The following ESRRG variants were observed in gnomAD, a reference collection of about 807,000 sequenced individuals.
ESRRG encodes the protein estrogen-related receptor gamma.
Under a neutral mutation model 44.0 loss-of-function variants are expected in ESRRG, and 13 were observed. The observed-to-expected ratio is 0.30, with a 90% CI of 0.19 to 0.47. The LOEUF (loss-of-function observed/expected upper bound fraction) is 0.47, where lower values mean the gene tolerates loss of function less well. Among genes scored for constraint, ESRRG ranks in the 20% least tolerant of loss-of-function variants. The pLI, the probability that ESRRG is intolerant of heterozygous loss-of-function variation, is 1.00. For synonymous variants in ESRRG, 215 were observed against 214.6 expected, an observed-to-expected ratio of 1.00 and a Z score of -0.02; for missense variants, 395 against 580.6, an observed-to-expected ratio of 0.68 and a Z score of 3.29.
intron 2 of ESRRG, among the ~76,000 whole-genome samples, chr1:216,766,848 C>T (rs548804101): frequency 6.6e-6 from 1 of 152,214 alleles, no homozygotes; most frequent in South Asian, 2.1e-4. Flanking sequence ...AGACCAAATG[C>T]CTCTGGCTGT....
intron 2 of ESRRG, among the ~76,000 whole-genome samples, chr1:216,775,613 G>A (rs1334828614): frequency 3.2e-5 from 4 of 123,470 alleles, no homozygotes; most frequent in South Asian, 2.7e-4. Context: ...TCACGCTGTC[G>A]CACAGGCTGG....
chr1:217,033,634 A>G (rs2151047328), intron 1 of ESRRG, among the ~76,000 whole-genome samples: 1 of 152,340 alleles, frequency 6.6e-6, no homozygotes, highest in East Asian at 1.9e-4. Flanking sequence ...GATGTATGGC[A>G]TGTACATTAT....
rs1559602305 is a variant in ESRRG at position 216,779,193 on chromosome 1, TTATATTTATAAATATAAATA to T, written c.-13-101722_-13-101703del. Among the ~76,000 whole-genome samples the T allele has an allele frequency of 1.0e-3, 62 of 60,396 alleles. 1 individual carries two copies. Among genetic ancestry groups the T allele is most frequent in the Non-Finnish European group, 2.5e-4 (8 of 31,752 alleles). 39.6% of individuals were successfully genotyped at this position (60,396 alleles called of 152,430 possible). On this transcript the variant is annotated intron_variant, in intron 2 of 7. Coordinates refer to the ESRRG transcript ENST00000359162. ...TATATATAATTATATAAATATATAT[TTATATTTATAAATATAAATA>T]TATATTTATATTTATAAATATAAAT...
intron 2 of ESRRG, among the ~76,000 whole-genome samples, chr1:216,881,500 T>G (rs2096446947): frequency 6.6e-6 from 1 of 151,294 alleles, no homozygotes; most frequent in Non-Finnish European, 1.5e-5. Flanking sequence ...GAGCTAGGGG[T>G]TGGTGGGGAG....
intron 2 of ESRRG, among the ~76,000 whole-genome samples, chr1:216,899,778 T>C (rs1434296427): frequency 6.6e-6 from 1 of 152,146 alleles, no homozygotes. Context: ...AGGGAATGTT[T>C]GGCTAAAATC....
chr1:216,929,291 T>A (rs1462328413), intron 2 of ESRRG, among the ~76,000 whole-genome samples: 1 of 148,382 alleles, frequency 6.7e-6, no homozygotes, highest in Non-Finnish European at 1.5e-5. Flanking sequence ...TCCTTCCCTC[T>A]TTCCCTTAAG....
chr1:217,031,255 C>T (rs1448869760), intron 1 of ESRRG, among the ~76,000 whole-genome samples: 1 of 152,226 alleles, frequency 6.6e-6, no homozygotes, highest in Non-Finnish European at 1.5e-5. Flanking sequence ...ACCTCTCCTT[C>T]CAGAGTTCGG....
At chr1:216,831,405 AC>A (rs1243114715) in intron 2 of ESRRG, among the ~76,000 whole-genome samples, 1 of 152,108 alleles carries the variant, frequency 6.6e-6, no homozygotes, top group Non-Finnish European at 1.5e-5. Context: ...ACTCGCTTTT[AC>A]CAAATGAAGC....
At chr1:216,526,778 G>A (rs1262586328) in intron 5 of ESRRG, among the ~76,000 whole-genome samples, 1 of 152,124 alleles carries the variant, frequency 6.6e-6, no homozygotes, top group Non-Finnish European at 1.5e-5. Context: ...GGCTGTCTGG[G>A]TAACGGTGAG....
At chr1:216,661,221 T>C (rs1371029613) in intron 2 of ESRRG, among the ~76,000 whole-genome samples, 1 of 152,172 alleles carries the variant, frequency 6.6e-6, no homozygotes, top group African/African-American at 2.4e-5. Context: ...TAAGCTCTTA[T>C]AGTACACAGA....
intron 1 of ESRRG, among the ~76,000 whole-genome samples, chr1:217,127,375 C>T (rs1291181999): frequency 6.6e-6 from 1 of 152,076 alleles, no homozygotes; most frequent in Non-Finnish European, 1.5e-5. Flanking sequence ...TAAATCATGC[C>T]AAGTTTGGTG....
At chr1:217,099,985 GAA>G (rs5780965) in intron 1 of ESRRG, among the ~76,000 whole-genome samples, 16,257 of 136,996 alleles carry the variant, frequency 0.12, 1,180 homozygotes, top group East Asian at 0.26. Context: ...TTTTTATCCA[GAA>G]AAAAAAAAAA....
intron 2 of ESRRG, among the ~76,000 whole-genome samples, chr1:216,668,674 T>C (rs2074496789): frequency 6.6e-6 from 1 of 152,154 alleles, no homozygotes; most frequent in Non-Finnish European, 1.5e-5. Flanking sequence ...TTTGTCTTAA[T>C]TTACATTGAT....
intron 1 of ESRRG, among the ~76,000 whole-genome samples, chr1:217,025,836 C>G (rs899008290): frequency 1.3e-5 from 2 of 152,192 alleles, no homozygotes; most frequent in African/African-American, 4.8e-5. Flanking sequence ...AAATATCTAA[C>G]ATATGGTTAT....
At chr1:216,521,744 C>A (rs183541735) in intron 5 of ESRRG, among the ~76,000 whole-genome samples, 1 of 152,102 alleles carries the variant, frequency 6.6e-6, no homozygotes, top group Non-Finnish European at 1.5e-5. Context: ...TTATTGAGGT[C>A]CATCCACGAT....
intron 6 of ESRRG, among the ~76,000 whole-genome samples, chr1:216,516,683 A>AGAGAGAGAGAG (rs1553282467): frequency 6.7e-6 from 1 of 148,808 alleles, no homozygotes; most frequent in African/African-American, 2.5e-5. Context: ...AGAGAGAGAG[A>AGAGAGAGAGAG]AACGACAAAA....
rs541722728 is a variant in ESRRG, at chr1:216,886,573, G to T, written c.-14+53009C>A. 8.5e-5 allele frequency among the ~76,000 whole-genome samples: 13 copies of T among 152,238 alleles called. No homozygotes were observed. In the South Asian group the frequency reaches 1.5e-3, roughly 17 times the overall value. On this transcript the variant is annotated intron_variant, in intron 2 of 7. Transcript: ENST00000359162. Reference sequence around the variant, plus strand: ...ATGTGCTGTAAATATGCCTTGAAAAGCTTCCTCATCCTCCAATATGCCTGT... The same window carrying T: ...ATGTGCTGTAAATATGCCTTGAAAATCTTCCTCATCCTCCAATATGCCTGT...
In ESRRG at chr1:216,696,727, T is replaced by TTAGG. The variant is rs58564873; in HGVS notation, c.57-19237_57-19236insCCTA. On this transcript the variant is annotated intron_variant, in intron 1 of 6. Transcript: ENST00000408911. ...CACCATGGAAAACTGGAGCTAGATATTAGAACTTCCTGGCCAAATAGTTGC... is the reference window on the plus strand; with the variant it reads ...CACCATGGAAAACTGGAGCTAGATATTAGGTAGAACTTCCTGGCCAAATAGTTGC... Among the ~76,000 whole-genome samples the TTAGG allele has an allele frequency of 9.6e-3, 1,469 of 152,234 alleles. 18 individuals are homozygous for TTAGG. The highest frequency in any genetic ancestry group is 0.034 in the African/African-American group (1,392 of 41,538).
At chr1:216,898,065 A>T (rs1481011070) in intron 2 of ESRRG, among the ~76,000 whole-genome samples, 1 of 152,198 alleles carries the variant, frequency 6.6e-6, no homozygotes, top group African/African-American at 2.4e-5. Context: ...ATGAGATAAT[A>T]AAGTTGTGTC....
Sources: allele counts gnomAD v4.1 joint callset (sites outside exome capture counted in the v4.1 genomes callset), GRCh38; gene constraint gnomAD v4.1.1; transcripts MANE v1.5; gene names NCBI Gene and HGNC (gene_info 2026-07-23, HGNC 2026-07-21).